Variants in DOCK10 observed in about 807,000 individuals in gnomAD.
DOCK10 encodes the protein dedicator of cytokinesis protein 10.
DOCK10 carries 145 observed loss-of-function variants against 280.1 expected under a neutral mutation model. The ratio of observed to expected loss-of-function variants is 0.52; its 90% confidence interval spans 0.45 to 0.59. The LOEUF is 0.59. Ranked by LOEUF, DOCK10 falls within the 20% of genes least tolerant of loss-of-function variation. The pLI is 0.00. For synonymous variants in DOCK10, 915 were observed against 942.2 expected, an observed-to-expected ratio of 0.97 and a Z score of 0.53; for missense variants, 2,368 against 2,651.7, an observed-to-expected ratio of 0.89 and a Z score of 2.35.
intron 4 of DOCK10, among the ~76,000 whole-genome samples, chr2:224,891,007 T>A (rs1320343321): frequency 1.3e-5 from 2 of 152,338 alleles, no homozygotes; most frequent in South Asian, 2.1e-4. Context: ...AGTGTGTCAA[T>A]GTTTTAAATT....
chr2:224,867,075 TAC>T (rs61496329), intron 11 of DOCK10, among the ~76,000 whole-genome samples: 2,887 of 144,030 alleles, frequency 0.02, 47 homozygotes, highest in African/African-American at 0.044. Context: ...AGCTAAGAAA[TAC>T]ACACACACAC....
chr2:224,785,465 C>T (rs1468432738), intron 50 of DOCK10, among the ~76,000 whole-genome samples: 2 of 152,034 alleles, frequency 1.3e-5, no homozygotes, highest in Non-Finnish European at 2.9e-5. Context: ...AAAGTATCTG[C>T]CTTTATTAAT....
chr2:224,830,438 T>A (rs1003380247), intron 27 of DOCK10, 103 bp downstream of exon 27: 4 of 627,810 alleles, frequency 6.4e-6, no homozygotes, highest in Non-Finnish European at 7.4e-6. Context: ...CTGCTAAGGT[T>A]TATAAAGCAA....
At chr2:224,891,881 A>C (rs1699677521) in intron 4 of DOCK10, among the ~76,000 whole-genome samples, 1 of 152,194 alleles carries the variant, frequency 6.6e-6, no homozygotes, top group South Asian at 2.1e-4. Flanking sequence ...TCAAATTCAA[A>C]GTGCATTATT....
chr2:225,037,666 T>C (rs551420296), intron 1 of DOCK10, among the ~76,000 whole-genome samples: 166 of 152,354 alleles, frequency 1.1e-3, no homozygotes, highest in African/African-American at 3.8e-3. Context: ...GAGAATTAAA[T>C]AGAATGCTTG....
chr2:224,811,225 C>G (rs1246279020), intron 31 of DOCK10, among the ~76,000 whole-genome samples: 2 of 152,192 alleles, frequency 1.3e-5, no homozygotes, highest in African/African-American at 4.8e-5. Context: ...CTGCATTTCT[C>G]TGATGGCCAG....
chr2:224,993,553 G>A (rs1378447742), intron 1 of DOCK10, among the ~76,000 whole-genome samples: 2 of 152,204 alleles, frequency 1.3e-5, no homozygotes, highest in Non-Finnish European at 2.9e-5. Flanking sequence ...ACCTCCTAAA[G>A]TGGGAGAAAT....
At chr2:224,890,979 C>T (rs554656845) in intron 4 of DOCK10, among the ~76,000 whole-genome samples, 6 of 152,152 alleles carry the variant, frequency 3.9e-5, no homozygotes, top group Non-Finnish European at 5.9e-5. Flanking sequence ...GCGTGCATTC[C>T]GAAGAGTCTA....
intron 12 of DOCK10, 89 bp downstream of exon 12, chr2:224,864,777 A>T: frequency 6.3e-7 from 1 of 1,584,082 alleles, no homozygotes; most frequent in African/African-American, 1.4e-5. Context: ...GGGAATTTTT[A>T]TTCAGGAAAT....
At chr2:225,039,953 T>C (rs879461692) in intron 1 of DOCK10, among the ~76,000 whole-genome samples, 1 of 152,152 alleles carries the variant, frequency 6.6e-6, no homozygotes, top group Non-Finnish European at 1.5e-5. Context: ...GATGGCTTGC[T>C]CCAATACACA....
chr2:224,874,419 C>A, intron 9 of DOCK10, 70 bp from the exon 10 acceptor site: 1 of 1,223,790 alleles, frequency 8.2e-7, no homozygotes, highest in Non-Finnish European at 1.2e-6. Context: ...ATCCACATGG[C>A]CAAGAAGCAG....
intron 1 of DOCK10, among the ~76,000 whole-genome samples, chr2:224,995,868 A>G (rs1159395776): frequency 6.6e-6 from 1 of 152,200 alleles, no homozygotes; most frequent in Admixed American, 6.5e-5. Flanking sequence ...TTAATGTAAA[A>G]ATGATACTAT....
At chr2:224,788,789 C>T (rs1691935679) in intron 48 of DOCK10, among the ~76,000 whole-genome samples, 1 of 152,158 alleles carries the variant, frequency 6.6e-6, no homozygotes, top group Non-Finnish European at 1.5e-5. Context: ...AATTTAGCAT[C>T]CCTTATCACC....
At chr2:224,813,411 A>C (rs945280716) in intron 31 of DOCK10, among the ~76,000 whole-genome samples, 1 of 152,068 alleles carries the variant, frequency 6.6e-6, no homozygotes, top group Non-Finnish European at 1.5e-5. Flanking sequence ...GGCCAGGGTG[A>C]TGTCGAACTC....
At chr2:224,793,843 GT>G (rs1015400133) in intron 45 of DOCK10, among the ~76,000 whole-genome samples, 12 of 151,416 alleles carry the variant, frequency 7.9e-5, no homozygotes, top group South Asian at 6.3e-4. Context: ...TTCTAAATAA[GT>G]TTTTTTTTAA....
intron 11 of DOCK10, among the ~76,000 whole-genome samples, chr2:224,866,025 C>A (rs1219357156): frequency 1.3e-5 from 2 of 152,194 alleles, no homozygotes; most frequent in African/African-American, 4.8e-5. Flanking sequence ...AGGACACTTA[C>A]CTGCCTAATC....
intron 1 of DOCK10, among the ~76,000 whole-genome samples, chr2:225,035,580 A>ATATC (rs1690232225): frequency 9.1e-6 from 1 of 109,460 alleles, no homozygotes; most frequent in Non-Finnish European, 1.8e-5. Flanking sequence ...ATATATATAT[A>ATATC]TATATATAAC....
intron 43 of DOCK10, among the ~76,000 whole-genome samples, 162 bp from the exon 44 acceptor site, chr2:224,796,588 G>A (rs1415107441): frequency 1.3e-5 from 2 of 152,150 alleles, no homozygotes; most frequent in East Asian, 1.9e-4. Context: ...AATCTAGGGT[G>A]TTTCCTATAA....
At chr2:224,814,582 C>T (rs912444330) in intron 30 of DOCK10, among the ~76,000 whole-genome samples, 1 of 152,128 alleles carries the variant, frequency 6.6e-6, no homozygotes, top group African/African-American at 2.4e-5. Flanking sequence ...AGTGCAGTAG[C>T]ACAATCTTGG....
Sources: gnomAD v4.1 joint callset for allele counts (sites outside exome capture counted in the v4.1 genomes callset) on GRCh38, gnomAD v4.1.1 for gene constraint, MANE v1.5 for transcripts, NCBI Gene and HGNC (gene_info 2026-07-23, HGNC 2026-07-21) for gene names.